The following TRIM14 variants were observed in gnomAD, a reference collection of about 807,000 sequenced individuals.
TRIM14 encodes tripartite motif containing 14.
Under a neutral mutation model 44.5 loss-of-function variants are expected in TRIM14, and 28 were observed. The observed-to-expected ratio is 0.63, with a 90% CI of 0.47 to 0.86. The LOEUF is 0.86. TRIM14 is among the 40% of genes least tolerant of loss of function. The pLI is 0.00. For missense variants in TRIM14, 607 were observed against 611.1 expected (o/e 0.99, Z 0.07); for synonymous variants, 299 against 269.2 (o/e 1.11, Z -1.08).
At position 98,095,081 on chromosome 9, in the gene TRIM14, C is replaced by A; in HGVS notation, c.538-52G>T. ...GGCTCTGGGAGATGCAGGCAGCATC[C>A]CAGCCTCCTGTGCTGCACCCAGGAA... On this transcript the variant is annotated intron_variant, in intron 3 of 5. Transcript: ENST00000341469. This position sits in a 1 kb window ranked among gnomAD's most constrained non-coding sequence, Gnocchi z 4.1. 6.3e-7 allele frequency: 1 copy of A among 1,575,398 alleles called. No individual in the cohort carries two copies. Among genetic ancestry groups the A allele is most frequent in the Non-Finnish European group, 8.6e-7 (1 of 1,164,518 alleles).
At chr9:98,083,576 G>A (rs1829985799), downstream of TRIM14, among the ~76,000 whole-genome samples, 1 of 152,212 alleles carries the variant, frequency 6.6e-6, no homozygotes, top group Non-Finnish European at 1.5e-5. Flanking sequence ...TCCTTTCAGA[G>A]CAAAGAGAGG....
At chr9:98,064,807 A>G (rs1251757281), downstream of TRIM14, among the ~76,000 whole-genome samples, 1 of 151,828 alleles carries the variant, frequency 6.6e-6, no homozygotes, top group Non-Finnish European at 1.5e-5. Flanking sequence ...CAGAGCGTAG[A>G]CTCCCACTGT....
chr9:98,046,328 T>A, the TRIM14 span, among the ~76,000 whole-genome samples: 1 of 152,164 alleles, frequency 6.6e-6, no homozygotes, highest in African/African-American at 2.4e-5. Flanking sequence ...AAAGGTAACT[T>A]ACAGTGGAAC....
chr9:98,105,305 G>C (rs1826564928), intron 2 of TRIM14, among the ~76,000 whole-genome samples: 1 of 152,220 alleles, frequency 6.6e-6, no homozygotes, highest in Non-Finnish European at 1.5e-5. Flanking sequence ...CCCATCCCCG[G>C]CTCTGCTCTG....
At chr9:98,081,363 C>G, downstream of TRIM14, 1 of 456,240 alleles carries the variant, frequency 2.2e-6, no homozygotes, top group Non-Finnish European at 3.9e-6. Flanking sequence ...AGCCCATGGC[C>G]CCAGTACTCC....
the TRIM14 span, among the ~76,000 whole-genome samples, chr9:98,043,378 G>A: frequency 2.0e-5 from 3 of 152,090 alleles, no homozygotes; most frequent in East Asian, 5.8e-4. Flanking sequence ...TGTTGGCCAG[G>A]CTGGTCTGGA....
At chr9:98,049,340 T>A in the TRIM14 span, among the ~76,000 whole-genome samples, 8,806 of 67,484 alleles carry the variant, frequency 0.13, 1,057 homozygotes, top group South Asian at 0.27. Flanking sequence ...AGACTCTGCA[T>A]AAAAAAAAAA....
At chr9:98,118,177 T>C (rs1827121355) in intron 1 of TRIM14, among the ~76,000 whole-genome samples, 1 of 152,112 alleles carries the variant, frequency 6.6e-6, no homozygotes, top group South Asian at 2.1e-4. Flanking sequence ...CCAGGCTTCA[T>C]GAAACCCAGA....
the TRIM14 span, among the ~76,000 whole-genome samples, chr9:98,043,086 T>A: frequency 6.6e-6 from 1 of 152,064 alleles, no homozygotes; most frequent in African/African-American, 2.4e-5. Context: ...TATAGACTCA[T>A]AAGACCTCTT....
downstream of TRIM14, among the ~76,000 whole-genome samples, chr9:98,065,638 T>C (rs1421520338): frequency 1.3e-5 from 2 of 150,702 alleles, no homozygotes; most frequent in Admixed American, 1.3e-4. Flanking sequence ...TGCATCCAGC[T>C]GCTTTTTTTT....
the TRIM14 span, among the ~76,000 whole-genome samples, chr9:98,059,109 C>T: frequency 5.9e-5 from 9 of 151,544 alleles, no homozygotes; most frequent in Non-Finnish European, 1.0e-4. Flanking sequence ...CTGCAAGCTC[C>T]GCCTCCTGGG....
chr9:98,099,235 C>T (rs1249520440), intron 3 of TRIM14, among the ~76,000 whole-genome samples: 2 of 151,826 alleles, frequency 1.3e-5, no homozygotes, highest in Admixed American at 6.6e-5. Context: ...GGCGGATCAC[C>T]TGAGGTCAGG....
chr9:98,060,526 C>T, the TRIM14 span, among the ~76,000 whole-genome samples: 21 of 152,106 alleles, frequency 1.4e-4, no homozygotes, highest in African/African-American at 4.8e-4. Flanking sequence ...AAAAATTAGC[C>T]GGGTGTCGTG....
chr9:98,110,020 C>T (rs370449765), intron 1 of TRIM14, 36 bp from the exon 2 acceptor site: 2 of 1,522,824 alleles, frequency 1.3e-6, no homozygotes, highest in Non-Finnish European at 1.8e-6. Context: ...AGTCGTAATA[C>T]TGTCACTTTC....
At chr9:98,105,975 A>G (rs1826596036) in intron 2 of TRIM14, among the ~76,000 whole-genome samples, 18 of 152,254 alleles carry the variant, frequency 1.2e-4, no homozygotes, top group Admixed American at 1.2e-3. Context: ...TGCATTAAGC[A>G]GGGTTGGAGT....
At chr9:98,081,117 C>T (rs376853882), downstream of TRIM14, 20 of 1,609,058 alleles carry the variant, frequency 1.2e-5, no homozygotes, top group African/African-American at 5.3e-5. Context: ...GTTCTGCTGC[C>T]GTGTGTGGAA....
At chr9:98,082,938 C>A (rs149684214), downstream of TRIM14, 268 of 1,614,068 alleles carry the variant, frequency 1.7e-4, no homozygotes, top group Non-Finnish European at 2.1e-4. Context: ...AGCCCAAAGG[C>A]TATCCTCCTG....
intron 5 of TRIM14, 108 bp downstream of exon 5, chr9:98,091,801 A>AAATAAATT: frequency 1.6e-6 from 1 of 630,248 alleles, no homozygotes; most frequent in Non-Finnish European, 2.4e-6. Context: ...ATAAATAAAT[A>AAATAAATT]AATTCTAATG....
chr9:98,047,232 C>T, the TRIM14 span, among the ~76,000 whole-genome samples: 6 of 152,246 alleles, frequency 3.9e-5, no homozygotes, highest in South Asian at 6.2e-4. Flanking sequence ...TTCATTCTCT[C>T]GTCTGCTGCC....
Sources: allele counts gnomAD v4.1 joint callset (sites outside exome capture counted in the v4.1 genomes callset), GRCh38; gene constraint gnomAD v4.1.1; non-coding constraint Gnocchi (gnomAD v3.1); transcripts MANE v1.5; gene names NCBI Gene and HGNC (gene_info 2026-07-23, HGNC 2026-07-21).